The following NPDC1 variants were observed in gnomAD, a reference collection of about 807,000 sequenced individuals.
NPDC1 encodes neural proliferation differentiation and control protein 1.
In NPDC1, 18 loss-of-function variants were observed where a neutral mutation model predicts 32.5. That is an observed-to-expected ratio of 0.55 (90% CI 0.38 to 0.82). NPDC1 has a LOEUF of 0.82. Among genes scored for constraint, NPDC1 ranks in the 40% least tolerant of loss-of-function variants. The pLI is 0.00. For missense variants in NPDC1, 468 were observed against 406.6 expected, an observed-to-expected ratio of 1.15 and a Z score of -1.30; for synonymous variants, 210 against 184.7, an observed-to-expected ratio of 1.14 and a Z score of -1.11.
intron 1 of NPDC1, chr9:137,043,368 TCTC>T (rs766496754): frequency 1.4e-6 from 1 of 713,650 alleles, no homozygotes. Context: ...AGTGCTGAGT[TCTC>T]CTGGGCAGGG....
chr9:137,040,869 C>T lies in NPDC1; in HGVS notation c.501G>A (p.Pro167=), dbSNP rs537671970. 49 of 1,599,070 alleles carry T rather than the reference C, an allele frequency of 3.1e-5. 1 individual carries two copies. Among genetic ancestry groups the T allele is most frequent in the Middle Eastern group, 1.7e-4 (1 of 6,028 alleles). ...GGGGCTCCAGGGGCGACATGTGCAC[C>T]GGGTCGGATGACACAGGGGAGCCCA... ...TSLGSPVSSD[P]VHMSPLEPRG... The change falls in exon 4 of 9, where the codon CCG becomes CCA. Residue 167 remains proline (P), a synonymous_variant. Transcript: ENST00000371601.
At chr9:137,041,014 C>A in intron 3 of NPDC1, 30 bp from the exon 4 acceptor site, 1 of 1,524,128 alleles carries the variant, frequency 6.6e-7, no homozygotes, top group South Asian at 1.3e-5. Flanking sequence ...AGAATGAGAG[C>A]ACTGGGCTAG....
At chr9:137,040,485 G>A in intron 6 of NPDC1, 29 bp downstream of exon 6, 2 of 1,581,410 alleles carry the variant, frequency 1.3e-6, no homozygotes, top group Non-Finnish European at 1.7e-6. Flanking sequence ...AGTTGGGCGG[G>A]AGCCTCAGGG....
chr9:137,041,884 C>T (rs1326883535), intron 2 of NPDC1, among the ~76,000 whole-genome samples: 2 of 152,268 alleles, frequency 1.3e-5, no homozygotes, highest in East Asian at 1.9e-4. Context: ...GGGGCATCCC[C>T]AGCACCCAGC....
At chr9:137,041,845 C>T (rs1410334191) in intron 2 of NPDC1, among the ~76,000 whole-genome samples, 1 of 152,272 alleles carries the variant, frequency 6.6e-6, no homozygotes, top group Non-Finnish European at 1.5e-5. Context: ...GACTGGCCAT[C>T]CCGACAGATG....
In NPDC1 at chr9:137,040,933, G is replaced by A; in HGVS notation, c.437C>T (p.Ser146Phe). The change falls in exon 4 of 9, where the codon TCC becomes TTC. Residue 146 changes from serine to phenylalanine, a missense_variant. By Grantham distance (155) the Ser-to-Phe change is radical (BLOSUM62 -2). Transcript: ENST00000371601. ...CGTGGGCGTGGGGGTTCCTGGAGTG[G>A]AGGGGAGGCCCAGCTCCAGCCCCTG... is the stretch of plus-strand genomic sequence containing the variant. ...RGQGLELGLP[S>F]TPGTPTPTPH... 2 of 1,561,960 alleles carry A rather than the reference G, an allele frequency of 1.3e-6. No homozygotes were observed. The highest frequency in any genetic ancestry group is 1.4e-5 in the African/African-American group (1 of 72,996).
chr9:137,040,683 A>G lies in NPDC1; in HGVS notation c.611T>C (p.Leu204Pro), dbSNP rs767511471. 2 of 1,582,408 alleles carry G rather than the reference A, an allele frequency of 1.3e-6. No individual in the cohort carries two copies. The highest frequency in any genetic ancestry group is 1.7e-6 in the Non-Finnish European group (2 of 1,169,624). ...AGAAALSVAS[L>P]CWCRLQREIR... The stretch of plus-strand genomic sequence containing the variant: ...GCCACTGGCTCACCTGCACCAGCAG[A>G]GGGAGGCTACGGAGAGGGCGGCTGC... Residue 204 changes from leucine (L) to proline (P), a missense_variant, in exon 5 of 9, where the codon CTC becomes CCC. Physicochemically the swap from Leu to Pro is moderately conservative, Grantham distance 98 (BLOSUM62 -3). Transcript: ENST00000371601.
chr9:137,041,136 T>G lies in NPDC1; in HGVS notation c.311A>C (p.Gln104Pro). 6.6e-7 allele frequency: 1 copy of G among 1,503,856 alleles called. No homozygotes were observed. The highest frequency in any genetic ancestry group is 8.9e-7 in the Non-Finnish European group (1 of 1,128,064). The allele number at this position is 1,503,856 out of a possible 1,614,324, so 93.2% of individuals were successfully genotyped here. A position where few individuals can be genotyped will look rare whatever the true frequency, so the allele number is the denominator to read the frequency against. Residue 104 changes from glutamine to proline, a missense_variant, in exon 3 of 9, where the codon CAG becomes CCG. Physicochemically the swap from Gln to Pro is moderately conservative, Grantham distance 76. Coordinates refer to ENST00000371601, the MANE Select transcript of NPDC1 (RefSeq NM_015392.4). ...RLEDEIDFLA[Q>P]ELARKESGHS... The stretch of plus-strand genomic sequence containing the variant: ...TCCAGACTCCTTCCGGGCAAGCTCC[T>G]GGGCCAGGAAGTCAATCTCATCTTC...
chr9:137,045,932 G>A lies in NPDC1; in HGVS notation c.58C>T (p.Leu20Phe). The A allele has an allele frequency of 8.5e-7, 1 of 1,181,392 alleles. No homozygotes were observed. Among genetic ancestry groups the A allele is most frequent in the Non-Finnish European group, 1.0e-6 (1 of 955,718 alleles). The allele number at this position is 1,181,392 out of a possible 1,614,324, so 73.2% of individuals were successfully genotyped here. A position where few individuals can be genotyped will look rare whatever the true frequency, so the allele number is the denominator to read the frequency against. ...GCGGCGCCGAGGACGAGGCCGGAGA[G>A]CAGCAGCCGCAGCAGCCGCAGGTGC... ...PRHLRLLRLL[L>F]SGLVLGAALR... The change falls in exon 1 of 9, where the codon CTC becomes TTC. Residue 20 changes from leucine (L) to phenylalanine (F), a missense_variant. By Grantham distance (22) the Leu-to-Phe change is conservative (BLOSUM62 0). Coordinates refer to ENST00000371601, the MANE Select transcript of NPDC1 (RefSeq NM_015392.4).
chr9:137,039,879 G>A lies in NPDC1; in HGVS notation c.886-15C>T, dbSNP rs1244335121. 2 of 779,268 alleles carry A rather than the reference G, an allele frequency of 2.6e-6. No individual in the cohort carries two copies. Among genetic ancestry groups the A allele is most frequent in the East Asian group, 2.4e-5 (1 of 41,242 alleles). The allele number at this position is 779,268 out of a possible 1,614,324, so 48.3% of individuals were successfully genotyped here. A position where few individuals can be genotyped will look rare whatever the true frequency, so the allele number is the denominator to read the frequency against. ...ATTTCCCCGGTCTGCGAATGTGGGT[G>A]TCAGGCTGGGCAGTGGGTGGGCTGG... On this transcript the variant is annotated splice_polypyrimidine_tract_variant and intron_variant, in intron 8 of 8. Coordinates refer to ENST00000371601, the MANE Select transcript of NPDC1 (RefSeq NM_015392.4).
chr9:137,045,801 C>A, intron 1 of NPDC1, 77 bp downstream of exon 1: 1 of 925,748 alleles, frequency 1.1e-6, no homozygotes, highest in Non-Finnish European at 1.3e-6. Context: ...AGGGCGGCGG[C>A]GCCCGGCAAC....
chr9:137,043,082 G>A lies in NPDC1; in HGVS notation c.113-9C>T. ...GGGACAGGCGGCTACATCTGGGAAG[G>A]AAGCAGAAGGCAGGGCCGGCTCACG... On this transcript the variant is annotated splice_polypyrimidine_tract_variant and intron_variant, in intron 1 of 8. Coordinates refer to ENST00000371601, the MANE Select transcript of NPDC1 (RefSeq NM_015392.4). 6.2e-7 allele frequency: 1 copy of A among 1,612,298 alleles called. No individual in the cohort carries two copies. Among genetic ancestry groups the A allele is most frequent in the Non-Finnish European group, 8.5e-7 (1 of 1,179,700 alleles).
At position 137,039,539 on chromosome 9, in the gene NPDC1, A is replaced by C; in HGVS notation, c.*233T>G. 3.8e-6 allele frequency: 2 copies of C among 526,498 alleles called. No individual in the cohort carries two copies. The highest frequency in any genetic ancestry group is 3.3e-6 in the Non-Finnish European group (1 of 299,748). 32.6% of individuals were successfully genotyped at this position (526,498 alleles called of 1,614,324 possible). On this transcript the variant is annotated 3_prime_UTR_variant, in exon 9 of 9. Transcript: ENST00000371601. ...CCGTTCCTGCGCTCTACGGTTCTCC[A>C]TGCCCCCTCCAGTTTGGGGGTCTAA...
In NPDC1 at chr9:137,040,400, A is replaced by C; in HGVS notation, c.745T>G (p.Tyr249Asp). The change falls in exon 7 of 9, where the codon TAC becomes GAC. Residue 249 changes from tyrosine to aspartate, a missense_variant. Transcript: ENST00000371601. ...TGTTGCCGTTGGTGCTGGTAGTGGTACATCTCCGCGCTCTGTGCCAGCCGC... is the reference window on the plus strand; with the variant it reads ...TGTTGCCGTTGGTGCTGGTAGTGGTCCATCTCCGCGCTCTGTGCCAGCCGC... ...DQRLAQSAEM[Y>D]HYQHQRQQML... 6.5e-7 allele frequency: 1 copy of C among 1,548,282 alleles called. No homozygotes were observed.
Position 137,040,699 on chromosome 9 carries a change from G to C in NPDC1, c.595C>G (p.Leu199Val). The change falls in exon 5 of 9, where the codon CTC becomes GTC. Residue 199 changes from leucine (L) to valine (V), a missense_variant. Transcript: ENST00000371601. The part of the protein sequence containing the change: ...LAFCVAGAAA[L>V]SVASLCWCRL... Reference sequence around the variant, plus strand: ...CACCAGCAGAGGGAGGCTACGGAGAGGGCGGCTGCACCGGCCACACAGAAC... The same window carrying C: ...CACCAGCAGAGGGAGGCTACGGAGACGGCGGCTGCACCGGCCACACAGAAC... 3 of 1,586,820 alleles carry C rather than the reference G, an allele frequency of 1.9e-6. No individual in the cohort carries two copies. The East Asian group carries it at 6.8e-5, about 36-fold the overall frequency.
rs1832023056 is a variant in NPDC1 at position 137,040,059 on chromosome 9, T to C, written c.797A>G (p.Glu266Gly). ...QQMLCLERHK[E>G]PPKELDTASS... is the part of the protein sequence containing the mutation. Reference sequence around the variant, plus strand: ...GGCCGTGTCCAGCTCCTTGGGTGGCTCTTTATGCCTGGGTGGGGGGGGATC... The same window carrying C: ...GGCCGTGTCCAGCTCCTTGGGTGGCCCTTTATGCCTGGGTGGGGGGGGATC... Residue 266 changes from glutamate to glycine, a missense_variant, in exon 8 of 9, where the codon GAG (glutamate) becomes GGG (glycine). Physicochemically the swap from Glu to Gly is moderately conservative, Grantham distance 98. Transcript: ENST00000371601. 1.3e-6 allele frequency: 1 copy of C among 777,750 alleles called. No individual in the cohort carries two copies. The highest frequency in any genetic ancestry group is 2.4e-6 in the Non-Finnish European group (1 of 417,714). The allele number at this position is 777,750 out of a possible 1,614,324, so 48.2% of individuals were successfully genotyped here.
chr9:137,045,703 G>C (rs190653697), intron 1 of NPDC1, among the ~76,000 whole-genome samples, 175 bp downstream of exon 1: 1 of 152,184 alleles, frequency 6.6e-6, no homozygotes, highest in South Asian at 2.1e-4. Context: ...GCGCCCTCCG[G>C]CCAGGCCTGT....
intron 7 of NPDC1, 52 bp from the exon 8 acceptor site, chr9:137,040,119 G>C (rs1327461688): frequency 1.1e-5 from 8 of 753,320 alleles, no homozygotes; most frequent in Non-Finnish European, 2.0e-5. Context: ...GGTGCCAGTG[G>C]CCCAGTCTGG....
In NPDC1 at chr9:137,040,656, C is replaced by T. The variant is rs373343653; in HGVS notation, c.623+15G>A. 4.1e-5 allele frequency: 65 copies of T among 1,569,248 alleles called. No individual in the cohort carries two copies. The highest frequency in any genetic ancestry group is 1.1e-4 in the Admixed American group (6 of 53,114). The stretch of plus-strand genomic sequence containing the variant: ...TGTGGCACCCTCCCTGCCCTGCCCG[C>T]GGCCACTGGCTCACCTGCACCAGCA... On this transcript the variant is annotated intron_variant, in intron 5 of 8. Coordinates refer to ENST00000371601, the MANE Select transcript of NPDC1 (RefSeq NM_015392.4).
Sources: gnomAD v4.1 joint callset for allele counts (sites outside exome capture counted in the v4.1 genomes callset) on GRCh38, gnomAD v4.1.1 for gene constraint, MANE v1.5 for transcripts, NCBI Gene and HGNC (gene_info 2026-07-23, HGNC 2026-07-21) for gene names.